Variants in PDE4B observed in about 807,000 individuals in gnomAD.
PDE4B encodes the protein 3',5'-cyclic-AMP phosphodiesterase 4B.
Under a neutral mutation model 82.2 loss-of-function variants are expected in PDE4B, and 20 were observed. That is an observed-to-expected ratio of 0.24 (90% CI 0.17 to 0.35). The LOEUF is 0.35. Ranked by LOEUF, PDE4B falls within the 10% of genes least tolerant of loss-of-function variation. The pLI is 1.00. For missense variants in PDE4B, 655 were observed against 907.2 expected, an observed-to-expected ratio of 0.72 and a Z score of 3.57; for synonymous variants, 320 against 318.9, an observed-to-expected ratio of 1.00 and a Z score of -0.04.
At chr1:66,044,830 C>T (rs77061950) in intron 3 of PDE4B, among the ~76,000 whole-genome samples, 1 of 151,530 alleles carries the variant, frequency 6.6e-6, no homozygotes, top group African/African-American at 2.4e-5. Context: ...AAAATTTTAC[C>T]TTTCCTAGAA....
chr1:66,139,751 AAC>A lies in PDE4B; in HGVS notation c.282-107707_282-107706del, dbSNP rs1491403040. On this transcript the variant is annotated intron_variant, in intron 3 of 16. Transcript: ENST00000341517. ...CTCCCCCCTCAAAAAAAAAAAAAAA[AAC>A]AAAAAACAACAACCAATGGGCCAAA... Among the ~76,000 whole-genome samples, 237 of 144,050 alleles carry A rather than the reference AAC, an allele frequency of 1.6e-3. 3 individuals carry two copies. Among genetic ancestry groups the A allele is most frequent in the South Asian group, 6.1e-3 (26 of 4,244 alleles). 94.5% of individuals were successfully genotyped at this position (144,050 alleles called of 152,430 possible).
At chr1:66,099,331 G>T (rs1645176767) in intron 3 of PDE4B, among the ~76,000 whole-genome samples, 1 of 152,076 alleles carries the variant, frequency 6.6e-6, no homozygotes, top group Non-Finnish European at 1.5e-5. Flanking sequence ...GTACTCCATG[G>T]TGTATATGTA....
chr1:66,063,497 T>A (rs1655687998), intron 3 of PDE4B, among the ~76,000 whole-genome samples: 1 of 152,038 alleles, frequency 6.6e-6, no homozygotes, highest in Admixed American at 6.6e-5. Context: ...CTTTGTTTTG[T>A]TTTTTAAATT....
chr1:66,229,313 A>G (rs1271529760), intron 3 of PDE4B, among the ~76,000 whole-genome samples: 1 of 152,186 alleles, frequency 6.6e-6, no homozygotes, highest in Non-Finnish European at 1.5e-5. Flanking sequence ...CCGGCCCCCC[A>G]GAGGCTTCTA....
chr1:66,004,448 G>C (rs1280641569), intron 3 of PDE4B, among the ~76,000 whole-genome samples: 1 of 151,982 alleles, frequency 6.6e-6, no homozygotes, highest in African/African-American at 2.4e-5. Flanking sequence ...AAAATAAAAA[G>C]TAATAAATCC....
rs143873324 is a variant in PDE4B, at chr1:66,012,868, A to G, written c.281+94033A>G. 1.5e-3 allele frequency among the ~76,000 whole-genome samples: 224 copies of G among 152,244 alleles called. 2 individuals are homozygous for G. Among genetic ancestry groups the G allele is most frequent in the Middle Eastern group, 0.014 (4 of 294 alleles). ...AGTGAGTATGTACTTAAGTAACACT[A>G]TATGTCAGGCAATGCTCTAACTAAA... On this transcript the variant is annotated intron_variant, in intron 3 of 16. Coordinates refer to ENST00000341517, the MANE Select transcript of PDE4B (RefSeq NM_002600.4).
chr1:66,210,614 A>C (rs1326710329), intron 3 of PDE4B, among the ~76,000 whole-genome samples: 5 of 149,040 alleles, frequency 3.4e-5, no homozygotes, highest in Middle Eastern at 3.4e-3. Flanking sequence ...AAAAAAAAAA[A>C]AAAAAGAAAA....
At chr1:66,291,578 TCC>T (rs549249444) in intron 7 of PDE4B, among the ~76,000 whole-genome samples, 79 of 152,308 alleles carry the variant, frequency 5.2e-4, no homozygotes, top group Non-Finnish European at 7.9e-4. Context: ...TTTTATTATT[TCC>T]CTCTTTTGAA....
At chr1:65,860,799 G>GAAGATAAGCTCTTTTTCATA (rs1553192762) in intron 1 of PDE4B, among the ~76,000 whole-genome samples, 25 of 152,202 alleles carry the variant, frequency 1.6e-4, no homozygotes, top group African/African-American at 5.5e-4. Flanking sequence ...AATGACCAGT[G>GAAGATAAGCTCTTTTTCATA]AAGATAAGCT....
At chr1:66,164,821 C>T (rs1168470382) in intron 3 of PDE4B, among the ~76,000 whole-genome samples, 3 of 142,456 alleles carry the variant, frequency 2.1e-5, no homozygotes, top group Non-Finnish European at 3.0e-5. Context: ...CAGTGGCGCG[C>T]AATCTCAGCT....
intron 3 of PDE4B, among the ~76,000 whole-genome samples, chr1:66,236,550 C>A (rs1557652157): frequency 6.6e-6 from 1 of 151,956 alleles, no homozygotes; most frequent in African/African-American, 2.4e-5. Flanking sequence ...TGATGAATTC[C>A]TTCAACTTTC....
chr1:65,811,406 C>T (rs1313122681), intron 1 of PDE4B, among the ~76,000 whole-genome samples: 1 of 152,194 alleles, frequency 6.6e-6, no homozygotes, highest in Non-Finnish European at 1.5e-5. Flanking sequence ...CCAAGGGCAC[C>T]TAGAAAAGTA....
intron 3 of PDE4B, among the ~76,000 whole-genome samples, chr1:65,925,270 C>T (rs1447347814): frequency 6.6e-6 from 1 of 152,070 alleles, no homozygotes; most frequent in Non-Finnish European, 1.5e-5. Context: ...CAGCAAACCA[C>T]CATGGCACAT....
At chr1:66,043,362 TC>T (rs1372124347) in intron 3 of PDE4B, among the ~76,000 whole-genome samples, 7 of 151,778 alleles carry the variant, frequency 4.6e-5, no homozygotes, top group Admixed American at 6.6e-5. Flanking sequence ...ATGACAGCTC[TC>T]CAAGTAAATG....
chr1:65,949,716 A>G (rs186313442), intron 3 of PDE4B, among the ~76,000 whole-genome samples: 168 of 152,214 alleles, frequency 1.1e-3, no homozygotes, highest in Admixed American at 4.2e-3. Flanking sequence ...AGTCCTGAGA[A>G]GGTAAAGAAA....
At chr1:66,041,519 G>C (rs1654371030) in intron 3 of PDE4B, among the ~76,000 whole-genome samples, 1 of 151,820 alleles carries the variant, frequency 6.6e-6, no homozygotes, top group Non-Finnish European at 1.5e-5. Flanking sequence ...ACAACATACT[G>C]TCATTGCTTA....
intron 1 of PDE4B, among the ~76,000 whole-genome samples, chr1:65,855,900 T>C (rs182914399): frequency 1.4e-4 from 22 of 152,242 alleles, no homozygotes; most frequent in African/African-American, 5.3e-4. Flanking sequence ...CCTGCAGTCA[T>C]AGTGATTGCA....
intron 7 of PDE4B, among the ~76,000 whole-genome samples, chr1:66,330,523 T>C (rs1333702656): frequency 6.6e-6 from 1 of 152,232 alleles, no homozygotes; most frequent in African/African-American, 2.4e-5. Context: ...TTCAAAAGGC[T>C]AGGAGCAAGC....
chr1:66,320,772 G>A (rs1659343804), intron 7 of PDE4B, among the ~76,000 whole-genome samples: 1 of 152,164 alleles, frequency 6.6e-6, no homozygotes, highest in Admixed American at 6.6e-5. Flanking sequence ...ATGAAATATG[G>A]TCATTTGGAA....
Sources: gnomAD v4.1 joint callset for allele counts (sites outside exome capture counted in the v4.1 genomes callset) on GRCh38, gnomAD v4.1.1 for gene constraint, MANE v1.5 for transcripts, NCBI Gene and HGNC (gene_info 2026-07-23, HGNC 2026-07-21) for gene names.